C8orf34: variants seen among roughly 807,000 people sequenced by gnomAD.
The protein encoded by C8orf34 is chromosome 8 open reading frame 34.
In C8orf34, 65 loss-of-function variants were observed where a neutral mutation model predicts 68.3. That is an observed-to-expected ratio of 0.95 (90% CI 0.78 to 1.17). The LOEUF is 1.17. C8orf34 is among the 50% of genes most tolerant of loss of function. The pLI is 0.00. For missense variants in C8orf34, 664 were observed against 655.4 expected, an observed-to-expected ratio of 1.01 and a Z score of -0.14; for synonymous variants, 244 against 241.2, an observed-to-expected ratio of 1.01 and a Z score of -0.11.
rs577877466 is a variant in C8orf34 at position 68,399,872 on chromosome 8, A to T, written c.328-39627A>T. Among the ~76,000 whole-genome samples, 157 of 152,134 alleles carry T rather than the reference A, an allele frequency of 1.0e-3. 1 individual carries two copies. The highest frequency in any genetic ancestry group is 1.7e-3 in the Non-Finnish European group (117 of 67,974). The stretch of plus-strand genomic sequence containing the variant: ...TAACCATTCTGAGTGGTGTAAGATG[A>T]TATCTTATTGTAGTTTTAATTTGCA... On this transcript the variant is annotated intron_variant, in intron 1 of 13. Transcript: ENST00000518698.
At chr8:68,614,146 T>C (rs1264055240) in intron 7 of C8orf34, among the ~76,000 whole-genome samples, 1 of 152,184 alleles carries the variant, frequency 6.6e-6, no homozygotes, top group African/African-American at 2.4e-5. Context: ...GTTTGTTTTT[T>C]TCTTGTAAAT....
At chr8:68,771,460 T>C (rs551624599) in intron 10 of C8orf34, among the ~76,000 whole-genome samples, 27 of 152,270 alleles carry the variant, frequency 1.8e-4, no homozygotes, top group African/African-American at 4.8e-4. Flanking sequence ...ATGATGTTGA[T>C]ATCTCTGTAT....
chr8:68,422,218 G>A (rs1356210978), intron 1 of C8orf34, among the ~76,000 whole-genome samples: 1 of 152,132 alleles, frequency 6.6e-6, no homozygotes, highest in Non-Finnish European at 1.5e-5. Flanking sequence ...TAACCCAAAA[G>A]TCCAAGTCCA....
intron 3 of C8orf34, among the ~76,000 whole-genome samples, chr8:68,460,481 C>T (rs1183189206): frequency 6.6e-6 from 1 of 152,234 alleles, no homozygotes; most frequent in African/African-American, 2.4e-5. Context: ...AATGGGCAGA[C>T]TGCCTCCTCA....
chr8:68,498,072 C>A lies in C8orf34; in HGVS notation c.765+10021C>A, dbSNP rs552926880. Among the ~76,000 whole-genome samples the A allele has an allele frequency of 5.5e-4, 84 of 152,292 alleles. 1 individual carries two copies. Among genetic ancestry groups the A allele is most frequent in the Non-Finnish European group, 3.2e-4 (22 of 68,034 alleles). ...CGACCTCCCGACCGCAGGTGATCCA[C>A]CTGCCTCAGCCTCCCAAAGTGCTGG... On this transcript the variant is annotated intron_variant, in intron 5 of 13. Coordinates refer to ENST00000518698, the MANE Select transcript of C8orf34 (RefSeq NM_052958.4).
intron 7 of C8orf34, among the ~76,000 whole-genome samples, chr8:68,606,341 C>A (rs1013385430): frequency 6.6e-6 from 1 of 152,030 alleles, no homozygotes; most frequent in African/African-American, 2.4e-5. Context: ...AATAATGTAT[C>A]CAACAAATAT....
rs548576499 is a variant in C8orf34, at chr8:68,524,071, T to C, written c.938+2100T>C. 2.0e-5 allele frequency among the ~76,000 whole-genome samples: 3 copies of C among 152,352 alleles called. No individual in the cohort carries two copies. The East Asian group carries it at 5.8e-4, about 29-fold the overall frequency. On this transcript the variant is annotated intron_variant, in intron 6 of 13. Transcript: ENST00000518698. ...AGAACCATTTATAGTCTTATCTTTA[T>C]TTCTTGCAGCCTTTCCTATCTCAAT...
rs148536958 is a variant in C8orf34 at position 68,625,517 on chromosome 8, T to A, written c.1106-14859T>A. ...AAAATTCCACTTGGGGTGGCGATGC[T>A]TTGTGGCTTGAAGTGTAAGGGATGA... On this transcript the variant is annotated intron_variant, in intron 7 of 13. Coordinates refer to ENST00000518698, the MANE Select transcript of C8orf34 (RefSeq NM_052958.4). The A allele has an allele frequency of 8.0e-6, 5 of 625,806 alleles. No individual in the cohort carries two copies. The East Asian group carries it at 1.5e-4, about 19-fold the overall frequency. 38.8% of individuals were successfully genotyped at this position (625,806 alleles called of 1,614,324 possible).
intron 12 of C8orf34, among the ~76,000 whole-genome samples, chr8:68,798,422 A>G (rs557656620): frequency 2.3e-4 from 35 of 150,570 alleles, no homozygotes; most frequent in African/African-American, 8.1e-4. Flanking sequence ...CTACATCTTC[A>G]TTTTCAACAT....
chr8:68,744,886 C>T (rs1343759155), intron 10 of C8orf34, among the ~76,000 whole-genome samples: 1 of 152,100 alleles, frequency 6.6e-6, no homozygotes, highest in Non-Finnish European at 1.5e-5. Context: ...ACTGAGAACT[C>T]CACAAAGATA....
intron 6 of C8orf34, among the ~76,000 whole-genome samples, chr8:68,529,608 A>G (rs532641820): frequency 2.6e-5 from 4 of 152,308 alleles, no homozygotes; most frequent in Admixed American, 2.6e-4. Context: ...GACCCTCTGG[A>G]ATGTATTATA....
At chr8:68,794,901 A>T (rs887770482) in intron 12 of C8orf34, among the ~76,000 whole-genome samples, 1 of 152,088 alleles carries the variant, frequency 6.6e-6, no homozygotes, top group African/African-American at 2.4e-5. Context: ...AATGTTTTAG[A>T]TTTGGGAACA....
intron 1 of C8orf34, among the ~76,000 whole-genome samples, chr8:68,436,612 A>G (rs1302881722): frequency 6.6e-6 from 1 of 152,140 alleles, no homozygotes; most frequent in Admixed American, 6.5e-5. Flanking sequence ...ACTGATGGTA[A>G]GAATTGAAGG....
intron 3 of C8orf34, among the ~76,000 whole-genome samples, chr8:68,464,499 C>T (rs988648535): frequency 3.3e-5 from 5 of 151,848 alleles, no homozygotes; most frequent in African/African-American, 1.2e-4. Flanking sequence ...CAAGTCAATC[C>T]TAAGCCAAAA....
At chr8:68,335,621 A>G (rs1006292664) in intron 1 of C8orf34, among the ~76,000 whole-genome samples, 3 of 152,134 alleles carry the variant, frequency 2.0e-5, no homozygotes, top group African/African-American at 7.2e-5. Flanking sequence ...TGTTTCTATT[A>G]CCAGCCCATT....
At chr8:68,344,857 A>G (rs997720012) in intron 1 of C8orf34, among the ~76,000 whole-genome samples, 11 of 152,122 alleles carry the variant, frequency 7.2e-5, no homozygotes, top group Admixed American at 1.3e-4. Flanking sequence ...TAACATGGGT[A>G]GTGATCTGTG....
chr8:68,582,322 C>T (rs1256609269), intron 7 of C8orf34, among the ~76,000 whole-genome samples: 1 of 152,258 alleles, frequency 6.6e-6, no homozygotes, highest in South Asian at 2.1e-4. Flanking sequence ...CTCAGTGTGG[C>T]CTTCCTTCCC....
chr8:68,816,381 A>G (rs996611237), intron 13 of C8orf34, among the ~76,000 whole-genome samples: 4 of 152,174 alleles, frequency 2.6e-5, no homozygotes, highest in African/African-American at 9.7e-5. Context: ...GTGTCCATGA[A>G]TATGAGGCTA....
At chr8:68,608,869 C>T (rs1040586491) in intron 7 of C8orf34, among the ~76,000 whole-genome samples, 2 of 152,002 alleles carry the variant, frequency 1.3e-5, no homozygotes, top group Non-Finnish European at 2.9e-5. Context: ...AAACAAGTGA[C>T]TATAAGAAAT....
Sources: allele counts gnomAD v4.1 joint callset (sites outside exome capture counted in the v4.1 genomes callset), GRCh38; gene constraint gnomAD v4.1.1; transcripts MANE v1.5; gene names NCBI Gene and HGNC (gene_info 2026-07-23, HGNC 2026-07-21).